ZFPM2: variants seen among roughly 807,000 people sequenced by gnomAD.
The protein encoded by ZFPM2 is zinc finger protein ZFPM2.
Under a neutral mutation model 98.6 loss-of-function variants are expected in ZFPM2, and 20 were observed. The ratio of observed to expected loss-of-function variants is 0.20; its 90% confidence interval spans 0.14 to 0.29. ZFPM2 has a LOEUF of 0.29. Ranked by LOEUF, ZFPM2 falls within the 10% of genes least tolerant of loss-of-function variation. The probability of loss-of-function intolerance (pLI) is 1.00; values close to 1 mark genes in which losing one functional copy is unlikely to be tolerated. For missense variants in ZFPM2, 1,310 were observed against 1,388.6 expected (o/e 0.94, Z 0.90); for synonymous variants, 518 against 502.7 (o/e 1.03, Z -0.41).
intron 5 of ZFPM2, among the ~76,000 whole-genome samples, chr8:105,666,376 A>G (rs1338959165): frequency 3.9e-5 from 6 of 152,220 alleles, no homozygotes; most frequent in African/African-American, 1.2e-4. Context: ...GCTCCAAAGA[A>G]TACCTTTCTA....
At chr8:105,437,510 G>A (rs1271082362) in intron 2 of ZFPM2, among the ~76,000 whole-genome samples, 2 of 145,472 alleles carry the variant, frequency 1.4e-5, no homozygotes, top group Non-Finnish European at 3.0e-5. Context: ...TATCAGATAC[G>A]GGATGAGAAT....
At chr8:105,691,395 C>T (rs1398274344) in intron 5 of ZFPM2, among the ~76,000 whole-genome samples, 1 of 142,962 alleles carries the variant, frequency 7.0e-6, no homozygotes, top group Non-Finnish European at 1.5e-5. Context: ...ACTACGGGCG[C>T]CCGCCACCGC....
intron 5 of ZFPM2, among the ~76,000 whole-genome samples, chr8:105,774,183 C>A (rs1563557697): frequency 6.6e-6 from 1 of 152,150 alleles, no homozygotes; most frequent in Non-Finnish European, 1.5e-5. Flanking sequence ...AGACCAGGCA[C>A]AATAAGAAAA....
chr8:105,341,691 A>C (rs1292083994), intron 1 of ZFPM2, among the ~76,000 whole-genome samples: 1 of 151,998 alleles, frequency 6.6e-6, no homozygotes, highest in Non-Finnish European at 1.5e-5. Flanking sequence ...CTACTGTTGT[A>C]GTAGCAGTTG....
chr8:105,515,722 C>G (rs1468794028), intron 3 of ZFPM2, among the ~76,000 whole-genome samples: 1 of 151,006 alleles, frequency 6.6e-6, no homozygotes, highest in Non-Finnish European at 1.5e-5. Context: ...AGGCTCTGCC[C>G]TACTTTGGGC....
chr8:105,648,087 G>A (rs997257176), intron 5 of ZFPM2, among the ~76,000 whole-genome samples: 3 of 152,160 alleles, frequency 2.0e-5, no homozygotes, highest in African/African-American at 4.8e-5. Context: ...GTGTGAGATG[G>A]TATCTCATTG....
intron 5 of ZFPM2, among the ~76,000 whole-genome samples, chr8:105,657,360 A>G (rs1383923945): frequency 6.6e-6 from 1 of 152,104 alleles, no homozygotes; most frequent in African/African-American, 2.4e-5. Flanking sequence ...GCTGATCTTG[A>G]ACTCCTGACC....
chr8:105,663,009 A>C (rs1817422501), intron 5 of ZFPM2: 1 of 152,198 alleles, frequency 6.6e-6, no homozygotes, highest in Non-Finnish European at 1.5e-5. Flanking sequence ...CATGCAGATA[A>C]CTAATGCATT....
chr8:105,666,551 A>T (rs1156245594), intron 5 of ZFPM2, among the ~76,000 whole-genome samples: 1 of 152,224 alleles, frequency 6.6e-6, no homozygotes, highest in African/African-American at 2.4e-5. Flanking sequence ...GGCTCTGTCT[A>T]TGGTCCTTCA....
At chr8:105,528,941 C>A (rs551049769) in intron 3 of ZFPM2, 104 of 152,206 alleles carry the variant, frequency 6.8e-4, no homozygotes, top group Admixed American at 6.8e-3. Context: ...CCTGTTTTTT[C>A]ATTCTACTGT....
At chr8:105,629,816 T>C (rs79536132) in intron 4 of ZFPM2, among the ~76,000 whole-genome samples, 1,877 of 152,276 alleles carry the variant, frequency 0.012, 30 homozygotes, top group African/African-American at 0.042. Context: ...TCTTTAAAGG[T>C]AGCAAAAGCA....
intron 1 of ZFPM2, among the ~76,000 whole-genome samples, chr8:105,383,771 A>G: frequency 6.6e-6 from 1 of 152,222 alleles, no homozygotes; most frequent in Non-Finnish European, 1.5e-5. Flanking sequence ...GACAATTGGA[A>G]TAGACCACTT....
At chr8:105,443,263 T>A (rs1443781619) in intron 2 of ZFPM2, among the ~76,000 whole-genome samples, 1 of 143,180 alleles carries the variant, frequency 7.0e-6, no homozygotes, top group Non-Finnish European at 1.5e-5. Flanking sequence ...GAGCTGAAAT[T>A]GCACCATTGC....
At chr8:105,712,029 A>C (rs1307619907) in intron 5 of ZFPM2, among the ~76,000 whole-genome samples, 1 of 152,048 alleles carries the variant, frequency 6.6e-6, no homozygotes, top group Non-Finnish European at 1.5e-5. Context: ...AGCAACAATA[A>C]ATATTTGCTG....
chr8:105,352,980 A>T (rs1270147704), intron 1 of ZFPM2, among the ~76,000 whole-genome samples: 1 of 152,172 alleles, frequency 6.6e-6, no homozygotes, highest in African/African-American at 2.4e-5. Flanking sequence ...TAAAAATAAG[A>T]TAAATGTGTT....
intron 4 of ZFPM2, among the ~76,000 whole-genome samples, chr8:105,628,988 C>G (rs1237750467): frequency 6.6e-6 from 1 of 152,162 alleles, no homozygotes; most frequent in East Asian, 1.9e-4. Context: ...GTAACAAGCC[C>G]TCTTGGGCTT....
At chr8:105,791,703 A>G (rs1044153777) in intron 6 of ZFPM2, among the ~76,000 whole-genome samples, 1 of 152,126 alleles carries the variant, frequency 6.6e-6, no homozygotes, top group East Asian at 1.9e-4. Context: ...GAATTCGGCT[A>G]TGAATCCATC....
At chr8:105,413,302 T>C (rs910255550) in intron 1 of ZFPM2, among the ~76,000 whole-genome samples, 1 of 151,790 alleles carries the variant, frequency 6.6e-6, no homozygotes, top group Admixed American at 6.6e-5. Flanking sequence ...TGAAAAGTTA[T>C]ATTTTAACTC....
chr8:105,617,048 A>AAG, intron 4 of ZFPM2, among the ~76,000 whole-genome samples: 1 of 128,068 alleles, frequency 7.8e-6, no homozygotes, highest in Non-Finnish European at 1.7e-5. Context: ...AAAAAAAAAA[A>AAG]AAAAAAAAAA....
Sources: allele counts gnomAD v4.1 joint callset (sites outside exome capture counted in the v4.1 genomes callset), GRCh38; gene constraint gnomAD v4.1.1; transcripts MANE v1.5; gene names NCBI Gene and HGNC (gene_info 2026-07-23, HGNC 2026-07-21).